EEFSEC: variants seen among roughly 807,000 people sequenced by gnomAD.
EEFSEC encodes eukaryotic elongation factor, selenocysteine-tRNA specific.
Under a neutral mutation model 42.1 loss-of-function variants are expected in EEFSEC, and 43 were observed. The observed-to-expected ratio is 1.02, with a 90% CI of 0.80 to 1.32. EEFSEC has a LOEUF of 1.32. Among genes scored for constraint, EEFSEC ranks in the 40% most tolerant of loss-of-function variants. The pLI, the probability that EEFSEC is intolerant of heterozygous loss-of-function variation, is 0.00. For missense variants in EEFSEC, 745 were observed against 803.6 expected (o/e 0.93, Z 0.88); for synonymous variants, 354 against 339.1 (o/e 1.04, Z -0.48).
intron 4 of EEFSEC, among the ~76,000 whole-genome samples, chr3:128,274,625 C>A (rs1188589923): frequency 6.6e-6 from 1 of 152,232 alleles, no homozygotes; most frequent in Non-Finnish European, 1.5e-5. Flanking sequence ...CGTATGAAAA[C>A]CACTCTAACT....
At chr3:128,170,935 A>G (rs1325887450) in intron 1 of EEFSEC, among the ~76,000 whole-genome samples, 1 of 152,168 alleles carries the variant, frequency 6.6e-6, no homozygotes, top group African/African-American at 2.4e-5. Flanking sequence ...TCTTCCTCTT[A>G]TCTTGAAATC....
At chr3:128,233,673 A>G (rs2065980748) in intron 1 of EEFSEC, among the ~76,000 whole-genome samples, 1 of 152,196 alleles carries the variant, frequency 6.6e-6, no homozygotes, top group Non-Finnish European at 1.5e-5. Flanking sequence ...GACCTTGAGC[A>G]TCTCCTTAAC....
intron 4 of EEFSEC, among the ~76,000 whole-genome samples, chr3:128,286,526 T>G (rs761898983): frequency 6.6e-6 from 1 of 152,270 alleles, no homozygotes; most frequent in Non-Finnish European, 1.5e-5. Context: ...ATTATTTTGC[T>G]GCTCAAATGG....
intron 1 of EEFSEC, among the ~76,000 whole-genome samples, chr3:128,191,088 A>G (rs915263138): frequency 1.3e-5 from 2 of 152,238 alleles, no homozygotes; most frequent in Non-Finnish European, 2.9e-5. Flanking sequence ...TTGCACAAAG[A>G]TGAAATTGCC....
chr3:128,205,181 T>A (rs1203805381), intron 1 of EEFSEC, among the ~76,000 whole-genome samples: 2 of 152,206 alleles, frequency 1.3e-5, no homozygotes, highest in Admixed American at 6.5e-5. Flanking sequence ...AATCATTTAT[T>A]GATTGGTTCA....
intron 4 of EEFSEC, among the ~76,000 whole-genome samples, chr3:128,328,631 AC>A (rs1444881643): frequency 1.3e-5 from 2 of 152,224 alleles, no homozygotes; most frequent in African/African-American, 4.8e-5. Context: ...TCTTAGGGTC[AC>A]CACTGCTTTA....
intron 6 of EEFSEC, among the ~76,000 whole-genome samples, chr3:128,396,283 G>C (rs997371731): frequency 2.0e-5 from 3 of 152,190 alleles, no homozygotes; most frequent in African/African-American, 7.2e-5. Flanking sequence ...TCTAGCTCCA[G>C]CTACCTGGAG....
intron 1 of EEFSEC, among the ~76,000 whole-genome samples, chr3:128,189,872 C>CT (rs1049913651): frequency 3.9e-4 from 59 of 151,140 alleles, no homozygotes; most frequent in Admixed American, 3.7e-3. Flanking sequence ...CCTTTTGTGT[C>CT]TTTTTTTGGA....
rs190733511 is a variant in EEFSEC at position 128,345,221 on chromosome 3, A to G, written c.1443+3332A>G. Among the ~76,000 whole-genome samples, 19 of 152,324 alleles carry G rather than the reference A, an allele frequency of 1.2e-4. No homozygotes were observed. In the East Asian group the frequency reaches 2.7e-3, roughly 22 times the overall value. ...GTTCTGAGATCAGTGCTTGTCTCCT[A>G]CTGCATCGTTATTGTTTTATCATTA... On this transcript the variant is annotated intron_variant, in intron 5 of 6. Transcript: ENST00000254730.
Position 128,352,336 on chromosome 3 carries a change from G to A in EEFSEC, c.1444-5881G>A, listed in dbSNP as rs2067397803. On this transcript the variant is annotated intron_variant, in intron 5 of 6. Coordinates refer to ENST00000254730, the MANE Select transcript of EEFSEC (RefSeq NM_021937.5). ...GTTTCATGCAGCTGACAATCACTGAGTCCTTGCCCCCAGTACACACAGCAG... is the reference window on the plus strand; with the variant it reads ...GTTTCATGCAGCTGACAATCACTGAATCCTTGCCCCCAGTACACACAGCAG... Among the ~76,000 whole-genome samples, 3 of 152,230 alleles carry A rather than the reference G, an allele frequency of 2.0e-5. No homozygotes were observed. The South Asian group carries it at 6.2e-4, about 31-fold the overall frequency.
At chr3:128,256,167 C>A (rs1428682962) in intron 2 of EEFSEC, among the ~76,000 whole-genome samples, 1 of 152,170 alleles carries the variant, frequency 6.6e-6, no homozygotes, top group East Asian at 1.9e-4. Context: ...GAAAAAATGT[C>A]TCAAATTGGT....
Position 128,324,857 on chromosome 3 carries a change from GA to G in EEFSEC, c.787-16374del, listed in dbSNP as rs201268924. ...AAGGCTAAACTTGGAAAATGAAAAAGAAGAAATAGAAAAATAGAGAGGAGAA... is the reference window on the plus strand; with the variant it reads ...AAGGCTAAACTTGGAAAATGAAAAAGAGAAATAGAAAAATAGAGAGGAGAA... On this transcript the variant is annotated intron_variant, in intron 4 of 6. Transcript: ENST00000254730. Among the ~76,000 whole-genome samples the G allele has an allele frequency of 5.4e-3, 821 of 152,320 alleles. 8 individuals are homozygous for G. Among genetic ancestry groups the G allele is most frequent in the African/African-American group, 0.019 (778 of 41,570 alleles).
At chr3:128,282,158 G>A (rs1375222701) in intron 4 of EEFSEC, among the ~76,000 whole-genome samples, 1 of 152,250 alleles carries the variant, frequency 6.6e-6, no homozygotes, top group Non-Finnish European at 1.5e-5. Flanking sequence ...TTCCCCTGCT[G>A]TGAGCAGAGT....
rs114583442 is a variant in EEFSEC, at chr3:128,194,890, A to G, written c.316+41067A>G. 6.5e-3 allele frequency among the ~76,000 whole-genome samples: 983 copies of G among 152,340 alleles called. 8 individuals are homozygous for G. The highest frequency in any genetic ancestry group is 0.022 in the African/African-American group (921 of 41,578). On this transcript the variant is annotated intron_variant, in intron 1 of 6. Coordinates refer to ENST00000254730, the MANE Select transcript of EEFSEC (RefSeq NM_021937.5). ...TAGGTGACTTTTAATTTCCTTTTATAAAGAATTTTTTTTCCCCAAGGCTTT... is the reference window on the plus strand; with the variant it reads ...TAGGTGACTTTTAATTTCCTTTTATGAAGAATTTTTTTTCCCCAAGGCTTT...
chr3:128,386,888 C>T (rs1404360140), intron 6 of EEFSEC, among the ~76,000 whole-genome samples: 1 of 152,236 alleles, frequency 6.6e-6, no homozygotes, highest in African/African-American at 2.4e-5. Flanking sequence ...CTAACACCTC[C>T]CCCGAGGCCC....
chr3:128,360,351 A>G (rs2067509487), intron 6 of EEFSEC, among the ~76,000 whole-genome samples: 2 of 152,146 alleles, frequency 1.3e-5, no homozygotes, highest in African/African-American at 2.4e-5. Context: ...CCTCGTGCCT[A>G]TGCCTGCCTG....
intron 6 of EEFSEC, among the ~76,000 whole-genome samples, chr3:128,405,537 C>T (rs1455750619): frequency 2.0e-5 from 3 of 152,194 alleles, no homozygotes; most frequent in Admixed American, 6.5e-5. Context: ...TTTTCTCATC[C>T]GTATAAAGAA....
At chr3:128,307,622 G>C (rs1219569816) in intron 4 of EEFSEC, among the ~76,000 whole-genome samples, 1 of 152,218 alleles carries the variant, frequency 6.6e-6, no homozygotes, top group East Asian at 1.9e-4. Flanking sequence ...GCAAAGTATT[G>C]ACTGAGCTGC....
intron 4 of EEFSEC, among the ~76,000 whole-genome samples, chr3:128,308,198 C>T (rs6798800): frequency 0.015 from 2,307 of 152,358 alleles, 58 homozygotes; most frequent in African/African-American, 0.051. Flanking sequence ...CCAAGCTTGG[C>T]CGTAGCTCTG....
Sources: gnomAD v4.1 joint callset for allele counts (sites outside exome capture counted in the v4.1 genomes callset) on GRCh38, gnomAD v4.1.1 for gene constraint, MANE v1.5 for transcripts, NCBI Gene and HGNC (gene_info 2026-07-23, HGNC 2026-07-21) for gene names.